The following ARHGAP8 variants were observed in gnomAD, a reference collection of about 807,000 sequenced individuals.
ARHGAP8 encodes rho GTPase-activating protein 8.
Under a neutral mutation model 46.1 loss-of-function variants are expected in ARHGAP8, and 62 were observed. The observed-to-expected ratio is 1.34, with a 90% CI of 1.10 to 1.66. The LOEUF (loss-of-function observed/expected upper bound fraction) is 1.66, where lower values mean the gene tolerates loss of function less well. ARHGAP8 is among the 40% of genes most tolerant of loss of function. ARHGAP8 has a pLI of 0.00. For synonymous variants in ARHGAP8, 375 were observed against 243.1 expected (o/e 1.54, Z -5.05); for missense variants, 923 against 568.4 (o/e 1.62, Z -6.34).
chr22:44,772,345 C>CT, intron 1 of ARHGAP8, among the ~76,000 whole-genome samples: 1 of 56,212 alleles, frequency 1.8e-5, no homozygotes, highest in Middle Eastern at 0.017. Context: ...TTTGTATTTT[C>CT]TTTTTTCTTT....
chr22:44,799,989 G>C (rs1450593069), intron 2 of ARHGAP8, among the ~76,000 whole-genome samples: 1 of 104,438 alleles, frequency 9.6e-6, no homozygotes, highest in Non-Finnish European at 2.0e-5. Flanking sequence ...GGTGGGGCAA[G>C]GTGGGGTTGG....
At chr22:44,852,332 G>A (rs1233502096) in intron 10 of ARHGAP8, among the ~76,000 whole-genome samples, 1 of 151,780 alleles carries the variant, frequency 6.6e-6, no homozygotes, top group African/African-American at 2.4e-5. Flanking sequence ...TTGTCATTCC[G>A]CCGTCTTTAG....
At chr22:44,837,575 G>T in intron 7 of ARHGAP8, among the ~76,000 whole-genome samples, 1 of 152,128 alleles carries the variant, frequency 6.6e-6, no homozygotes, top group East Asian at 1.9e-4. Context: ...CGGCGCCCTG[G>T]GCATCCCCAC....
At chr22:44,826,140 T>C (rs981064786) in intron 7 of ARHGAP8, among the ~76,000 whole-genome samples, 7 of 151,972 alleles carry the variant, frequency 4.6e-5, no homozygotes, top group Admixed American at 4.6e-4. Context: ...GGAGGAAGCT[T>C]CCAGAGCCAG....
chr22:44,789,449 C>T (rs562377114), intron 2 of ARHGAP8, among the ~76,000 whole-genome samples: 2 of 151,678 alleles, frequency 1.3e-5, no homozygotes, highest in Non-Finnish European at 2.9e-5. Flanking sequence ...CTGCGCCCGG[C>T]CGATGCTTTG....
At chr22:44,816,294 C>T (rs1249545876) in intron 5 of ARHGAP8, among the ~76,000 whole-genome samples, 1 of 152,074 alleles carries the variant, frequency 6.6e-6, no homozygotes, top group Non-Finnish European at 1.5e-5. Flanking sequence ...CCTCGGAATC[C>T]ACACTGTCTC....
chr22:44,848,868 C>T (rs1462225651), intron 9 of ARHGAP8, 64 bp from the exon 10 acceptor site: 13 of 1,601,650 alleles, frequency 8.1e-6, no homozygotes, highest in South Asian at 2.2e-5. Context: ...TCTCAGAGCT[C>T]GTTCTGCAGC....
intron 1 of ARHGAP8, among the ~76,000 whole-genome samples, chr22:44,765,612 G>A (rs1457689641): frequency 1.3e-5 from 2 of 152,080 alleles, no homozygotes; most frequent in Non-Finnish European, 2.9e-5. Flanking sequence ...ATCAAGCATC[G>A]GGACCCCCTC....
chr22:44,769,329 T>G (rs760694108), intron 1 of ARHGAP8, among the ~76,000 whole-genome samples: 3 of 152,230 alleles, frequency 2.0e-5, no homozygotes, highest in African/African-American at 2.4e-5. Flanking sequence ...CCTGTATGTC[T>G]CTCTATGCCA....
intron 1 of ARHGAP8, among the ~76,000 whole-genome samples, chr22:44,754,399 A>G (rs1006355759): frequency 6.7e-6 from 1 of 149,498 alleles, no homozygotes; most frequent in African/African-American, 2.5e-5. Context: ...CTTGTCGCCC[A>G]GGCTGGAGTG....
chr22:44,846,118 C>T (rs1485667835), intron 8 of ARHGAP8, among the ~76,000 whole-genome samples: 3 of 152,348 alleles, frequency 2.0e-5, no homozygotes, highest in East Asian at 1.9e-4. Flanking sequence ...GCCAGACCCC[C>T]TAAAGCAGAC....
chr22:44,799,259 C>T (rs1928312772), intron 2 of ARHGAP8, among the ~76,000 whole-genome samples: 1 of 152,254 alleles, frequency 6.6e-6, no homozygotes, highest in African/African-American at 2.4e-5. Context: ...CTGCGTGTGG[C>T]CTCTCCCTGT....
chr22:44,817,467 T>C (rs1287984538), intron 5 of ARHGAP8, among the ~76,000 whole-genome samples: 1 of 152,222 alleles, frequency 6.6e-6, no homozygotes, highest in East Asian at 1.9e-4. Context: ...ATGTGACATA[T>C]TTGACATAGC....
Position 44,822,339 on chromosome 22 carries a change from C to T in ARHGAP8, c.387-32C>T, listed in dbSNP as rs761457730. 3.2e-6 allele frequency: 5 copies of T among 1,569,214 alleles called. No individual in the cohort carries two copies. The South Asian group carries it at 3.6e-5, about 11-fold the overall frequency. On this transcript the variant is annotated intron_variant, in intron 5 of 11. Coordinates refer to ENST00000356099, the MANE Select transcript of ARHGAP8 (RefSeq NM_181335.3). ...CTCGGCCTCTCTGCTGGCGCCTAAT[C>T]GTTCTTTATTCTCTTGCTTCTGCTT...
At chr22:44,853,729 T>G (rs2147178337) in intron 10 of ARHGAP8, among the ~76,000 whole-genome samples, 1 of 152,176 alleles carries the variant, frequency 6.6e-6, no homozygotes, top group Middle Eastern at 3.4e-3. Context: ...AAAGCCAAGT[T>G]AAAAATTTGC....
intron 1 of ARHGAP8, among the ~76,000 whole-genome samples, chr22:44,776,462 GA>G (rs529560343): frequency 5.0e-4 from 67 of 133,584 alleles, no homozygotes; most frequent in Non-Finnish European, 9.2e-4. Flanking sequence ...CAAAAAAAAA[GA>G]AAAAAAAAAG....
At chr22:44,788,448 ACT>A (rs1927436941) in intron 2 of ARHGAP8, among the ~76,000 whole-genome samples, 1 of 151,276 alleles carries the variant, frequency 6.6e-6, no homozygotes, top group Admixed American at 6.6e-5. Context: ...ACAGGGTGTC[ACT>A]CTGTTGCGGA....
intron 5 of ARHGAP8, 132 bp downstream of exon 5, chr22:44,814,890 A>T: frequency 9.3e-7 from 1 of 1,071,088 alleles, no homozygotes; most frequent in Non-Finnish European, 1.3e-6. Context: ...GGGGCTCCCT[A>T]CCCGCCCTGG....
chr22:44,821,813 C>A (rs1175280251), intron 5 of ARHGAP8, among the ~76,000 whole-genome samples: 1 of 152,166 alleles, frequency 6.6e-6, no homozygotes, highest in Admixed American at 6.5e-5. Flanking sequence ...GGAGTTGCTG[C>A]ACCTGGTCAG....
Sources: allele counts gnomAD v4.1 joint callset (sites outside exome capture counted in the v4.1 genomes callset), GRCh38; gene constraint gnomAD v4.1.1; transcripts MANE v1.5; gene names NCBI Gene and HGNC (gene_info 2026-07-23, HGNC 2026-07-21).